The following MALT1 variants were observed in gnomAD, a reference collection of about 807,000 sequenced individuals.
MALT1 encodes the protein mucosa-associated lymphoid tissue lymphoma translocation protein 1.
Under a neutral mutation model 85.5 loss-of-function variants are expected in MALT1, and 36 were observed. That is an observed-to-expected ratio of 0.42 (90% CI 0.32 to 0.56). The LOEUF (loss-of-function observed/expected upper bound fraction) is 0.56, where lower values mean the gene tolerates loss of function less well. MALT1 is among the 20% of genes least tolerant of loss of function. The probability of loss-of-function intolerance (pLI) is 0.10; values close to 1 mark genes in which losing one functional copy is unlikely to be tolerated. For missense variants in MALT1, 716 were observed against 981.6 expected (o/e 0.73, Z 3.62); for synonymous variants, 359 against 361.3 (o/e 0.99, Z 0.07).
At chr18:58,700,670 A>T (rs2054658480) in intron 4 of MALT1, 79 bp downstream of exon 4, 1 of 1,259,696 alleles carries the variant, frequency 7.9e-7, no homozygotes, top group African/African-American at 1.6e-5. Flanking sequence ...CTTTTAAACA[A>T]TTTCAAAGTA....
At chr18:58,729,149 A>G (rs1269901153) in intron 10 of MALT1, among the ~76,000 whole-genome samples, 2 of 152,198 alleles carry the variant, frequency 1.3e-5, no homozygotes, top group African/African-American at 2.4e-5. Context: ...CTATGTGCTG[A>G]GAGAAATAAT....
At chr18:58,694,379 T>C (rs1009386066) in intron 2 of MALT1, among the ~76,000 whole-genome samples, 2 of 152,242 alleles carry the variant, frequency 1.3e-5, no homozygotes, top group African/African-American at 4.8e-5. Context: ...ATTACTGTTA[T>C]TTACACTGTT....
At chr18:58,710,833 C>T (rs2054821636) in intron 6 of MALT1, 88 bp from the exon 7 acceptor site, 1 of 803,052 alleles carries the variant, frequency 1.2e-6, no homozygotes, top group African/African-American at 1.8e-5. Context: ...AACATTATCT[C>T]TATGATATTG....
intron 7 of MALT1, among the ~76,000 whole-genome samples, 167 bp from the exon 8 acceptor site, chr18:58,713,916 C>T (rs544977304): frequency 2.0e-5 from 3 of 152,262 alleles, no homozygotes; most frequent in Non-Finnish European, 4.4e-5. Context: ...ATTCACTATT[C>T]TTTGCTATTC....
chr18:58,735,073 C>A (rs75609858), intron 12 of MALT1, 129 bp from the exon 13 acceptor site: 1 of 674,518 alleles, frequency 1.5e-6, no homozygotes, highest in East Asian at 3.1e-5. Flanking sequence ...CCACCCCCCC[C>A]CAGCCTCTGG....
At chr18:58,744,221 T>A in intron 14 of MALT1, 117 bp from the exon 15 acceptor site, 1 of 625,202 alleles carries the variant, frequency 1.6e-6, no homozygotes, top group Non-Finnish European at 2.7e-6. Flanking sequence ...TGTATGTGTT[T>A]AAACAATGTA....
At position 58,709,435 on chromosome 18, in the gene MALT1, A is replaced by G. The variant is rs1229093860; in HGVS notation, c.707A>G (p.Gln236Arg). The change falls in exon 5 of 17, where the codon CAA (glutamine) becomes CGA (arginine). Residue 236 changes from glutamine (Q) to arginine (R), a missense_variant. Gln to Arg is a conservative substitution (Grantham distance 43, BLOSUM62 1). Transcript: ENST00000649217. ...KLQICVEPTS[Q>R]KLMPGSTLVL... is the part of the protein sequence containing the mutation. ...CAAATCTGTGTTGAACCAACTTCCC[A>G]AAAGCTGATGCCAGGCAGCACATTG... is the stretch of plus-strand genomic sequence containing the variant. 5 of 1,612,096 alleles carry G rather than the reference A, an allele frequency of 3.1e-6. No individual in the cohort carries two copies. The highest frequency in any genetic ancestry group is 4.2e-6 in the Non-Finnish European group (5 of 1,179,016).
At chr18:58,685,521 A>G (rs1346274416) in intron 2 of MALT1, among the ~76,000 whole-genome samples, 1 of 152,198 alleles carries the variant, frequency 6.6e-6, no homozygotes, top group Non-Finnish European at 1.5e-5. Flanking sequence ...AGCAGTATCC[A>G]TGCATCTCTA....
chr18:58,747,687 G>C lies in MALT1; in HGVS notation c.2320G>C (p.Ala774Pro), dbSNP rs1251356443. 2.5e-6 allele frequency: 4 copies of C among 1,614,166 alleles called. No homozygotes were observed. The highest frequency in any genetic ancestry group is 1.7e-5 in the Admixed American group (1 of 60,014). The change falls in exon 17 of 17, where the codon GCA (alanine) becomes CCA (proline). Residue 774 changes from alanine (A) to proline (P), a missense_variant. Physicochemically the swap from Ala to Pro is conservative, Grantham distance 27. This residue lies in a region of MALT1 where 260 missense variants were observed against 323.7 expected (regional missense o/e 0.80). Coordinates refer to ENST00000649217, the MANE Select transcript of MALT1 (RefSeq NM_006785.4). ...TGGTAATCCAAGTAATGTTACACCA[G>C]CAGATAGCTGTCATTGCAGCCGGAC... ...HPGNPSNVTP[A>P]DSCHCSRTPD...
chr18:58,691,369 A>G (rs920364897), intron 2 of MALT1: 2 of 810,830 alleles, frequency 2.5e-6, no homozygotes, highest in Middle Eastern at 4.1e-4. Flanking sequence ...GCCCTGGCTC[A>G]GGCCCAGCTC....
intron 1 of MALT1, among the ~76,000 whole-genome samples, chr18:58,673,128 CTT>C (rs1398231460): frequency 7.2e-5 from 11 of 152,174 alleles, no homozygotes; most frequent in Admixed American, 7.2e-4. Flanking sequence ...AAAACTGTCT[CTT>C]AATATTCTGT....
rs2055481152 is a variant in MALT1 at position 58,754,070 on chromosome 18, T to A, written c.*6228T>A. ...AGGTTTAAACATTTTACACACAGTC[T>A]TATTTAAAACAGCCTTGCAGTTTAT... On this transcript the variant is annotated 3_prime_UTR_variant, in exon 17 of 17. Transcript: ENST00000649217. The A allele has an allele frequency of 2.0e-5, 3 of 152,338 alleles. No individual in the cohort carries two copies. The South Asian group carries it at 6.2e-4, about 32-fold the overall frequency. 9.4% of individuals were successfully genotyped at this position (152,338 alleles called of 1,614,324 possible). A position where few individuals can be genotyped will look rare whatever the true frequency, so the allele number is the denominator to read the frequency against.
At chr18:58,695,910 G>A (rs1196791016) in intron 2 of MALT1, among the ~76,000 whole-genome samples, 3 of 152,162 alleles carry the variant, frequency 2.0e-5, no homozygotes, top group South Asian at 2.1e-4. Context: ...AACTTAACAC[G>A]TCTGTTACTA....
At position 58,736,648 on chromosome 18, in the gene MALT1, C is replaced by T. The variant is rs555075551; in HGVS notation, c.1603+1319C>T. ...ATTGTCATAGCAATGAATGGCATCC[C>T]GATATGTGCTGTGAGGATATTTGAA... On this transcript the variant is annotated intron_variant, in intron 13 of 16. Transcript: ENST00000649217. Among the ~76,000 whole-genome samples the T allele has an allele frequency of 5.9e-5, 9 of 152,278 alleles. No individual in the cohort carries two copies. The East Asian group carries it at 7.7e-4, about 13-fold the overall frequency.
Position 58,749,435 on chromosome 18 carries a change from T to C in MALT1, c.*1593T>C, listed in dbSNP as rs547088195. On this transcript the variant is annotated 3_prime_UTR_variant, in exon 17 of 17. Coordinates refer to ENST00000649217, the MANE Select transcript of MALT1 (RefSeq NM_006785.4). ...AGCTGGCCCCGGAGCCAGAGCTTCT[T>C]GTACTACACAGAATTGCCCCTGCCA... 2 of 215,654 alleles carry C rather than the reference T, an allele frequency of 9.3e-6. No homozygotes were observed. The highest frequency in any genetic ancestry group is 6.9e-5 in the East Asian group (1 of 14,442). The allele number at this position is 215,654 out of a possible 1,614,324, so 13.4% of individuals were successfully genotyped here. A position where few individuals can be genotyped will look rare whatever the true frequency, so the allele number is the denominator to read the frequency against.
chr18:58,678,877 C>T (rs545352848), intron 1 of MALT1, among the ~76,000 whole-genome samples: 1 of 152,170 alleles, frequency 6.6e-6, no homozygotes, highest in South Asian at 2.1e-4. Context: ...CTAGGAGGAC[C>T]TTGTAGAGAA....
chr18:58,724,895 A>G (rs2055032116), intron 10 of MALT1, among the ~76,000 whole-genome samples: 2 of 152,210 alleles, frequency 1.3e-5, no homozygotes, highest in South Asian at 4.1e-4. Flanking sequence ...CTGTAATCCC[A>G]GCACTTTGGG....
At chr18:58,701,171 T>C (rs985974300) in intron 4 of MALT1, among the ~76,000 whole-genome samples, 2 of 152,034 alleles carry the variant, frequency 1.3e-5, no homozygotes, top group Non-Finnish European at 2.9e-5. Flanking sequence ...GCAGATACTT[T>C]AGGATGACAT....
At chr18:58,699,857 C>T (rs1406835024) in intron 3 of MALT1, among the ~76,000 whole-genome samples, 3 of 152,176 alleles carry the variant, frequency 2.0e-5, no homozygotes, top group East Asian at 3.8e-4. Context: ...ATGGCCATCC[C>T]GTCTTACTGT....
Sources: gnomAD v4.1 joint callset for allele counts (sites outside exome capture counted in the v4.1 genomes callset) on GRCh38, gnomAD v4.1.1 for gene constraint, gnomAD v4.1.1 regional missense constraint, MANE v1.5 for transcripts, NCBI Gene and HGNC (gene_info 2026-07-23, HGNC 2026-07-21) for gene names.